Variants in WIPI2 observed in about 807,000 individuals in gnomAD.
The protein encoded by WIPI2 is WD repeat domain, phosphoinositide interacting 2, also known as WD repeat domain phosphoinositide-interacting protein 2.
Under a neutral mutation model 52.3 loss-of-function variants are expected in WIPI2, and 28 were observed. That is an observed-to-expected ratio of 0.54 (90% confidence interval 0.40 to 0.73). The LOEUF is 0.73. Ranked by LOEUF, WIPI2 falls within the 30% of genes least tolerant of loss-of-function variation. The pLI is 0.00. For synonymous variants in WIPI2, 268 were observed against 245.0 expected (o/e 1.09, Z -0.88); for missense variants, 506 against 602.9 (o/e 0.84, Z 1.68).
intron 2 of WIPI2, among the ~76,000 whole-genome samples, chr7:5,198,378 A>G (rs949663208): frequency 6.6e-6 from 1 of 151,650 alleles, no homozygotes; most frequent in Admixed American, 6.6e-5. Flanking sequence ...CAGTGGCGCA[A>G]TCTCCGCTCA....
Position 5,229,595 on chromosome 7 carries a change from T to G in WIPI2, c.1122-13T>G. ...TGTGGAGACGCTGAGCTGTGTCGCT[T>G]TCTTCCCTCCAGGCTGGACGGCAGT... On this transcript the variant is annotated splice_polypyrimidine_tract_variant and intron_variant, in intron 11 of 12. Transcript: ENST00000288828. 6.2e-7 allele frequency: 1 copy of G among 1,611,468 alleles called. No homozygotes were observed. Among genetic ancestry groups the G allele is most frequent in the South Asian group, 1.1e-5 (1 of 90,562 alleles).
At chr7:5,226,705 G>A (rs1042854401) in intron 9 of WIPI2, 2 of 154,026 alleles carry the variant, frequency 1.3e-5, no homozygotes, top group Non-Finnish European at 2.9e-5. Flanking sequence ...AATAAATTTT[G>A]TTGGGTATAT....
chr7:5,228,239 G>A, intron 11 of WIPI2, 28 bp downstream of exon 11: 1 of 1,580,166 alleles, frequency 6.3e-7, no homozygotes, highest in Non-Finnish European at 8.6e-7. Context: ...GCTTCACGGA[G>A]CTGCTCCGTG....
At chr7:5,226,980 C>T (rs1237870070) in intron 9 of WIPI2, 200 bp from the exon 10 acceptor site, 1 of 653,136 alleles carries the variant, frequency 1.5e-6, no homozygotes, top group African/African-American at 1.8e-5. Context: ...CTGAGCACCC[C>T]TCCCCCGACA....
intron 11 of WIPI2, among the ~76,000 whole-genome samples, chr7:5,228,912 C>T (rs546711445): frequency 6.6e-6 from 1 of 151,890 alleles, no homozygotes; most frequent in South Asian, 2.1e-4. Context: ...TGTGCAGGGT[C>T]TTGCTAGGTT....
At chr7:5,212,260 A>G (rs1041028249) in intron 3 of WIPI2, among the ~76,000 whole-genome samples, 1 of 151,418 alleles carries the variant, frequency 6.6e-6, no homozygotes, top group African/African-American at 2.4e-5. Flanking sequence ...CCAGCAGGGA[A>G]CTCTGTCTCT....
In WIPI2 at chr7:5,232,053, A is replaced by T. The variant is rs1583602827; in HGVS notation, c.*1106A>T. ...TCCCTTCCCTTTTCATATTTACAGA[A>T]TTAAAACAACCTCAAGTACCTCAGA... On this transcript the variant is annotated 3_prime_UTR_variant, in exon 13 of 13. Transcript: ENST00000288828. 5.0e-6 allele frequency: 2 copies of T among 398,166 alleles called. No homozygotes were observed. The highest frequency in any genetic ancestry group is 1.4e-4 in the South Asian group (1 of 7,098). 24.7% of individuals were successfully genotyped at this position (398,166 alleles called of 1,614,324 possible). A position where few individuals can be genotyped will look rare whatever the true frequency, so the allele number is the denominator to read the frequency against.
chr7:5,218,672 CT>C (rs1782942251), intron 7 of WIPI2: 1 of 152,266 alleles, frequency 6.6e-6, no homozygotes, highest in African/African-American at 2.4e-5. Context: ...AGAAGAATGT[CT>C]GGCTTTAAAG....
chr7:5,227,418 G>T lies in WIPI2; in HGVS notation c.1013+74G>T. 6.4e-7 allele frequency: 1 copy of T among 1,558,888 alleles called. No individual in the cohort carries two copies. The highest frequency in any genetic ancestry group is 8.6e-7 in the Non-Finnish European group (1 of 1,156,996). ...AGGGGCCCAGTCCTGGCGGCTTGTG[G>T]CCCCTTCCGTGCTTCTGAACAGGAG... On this transcript the variant is annotated intron_variant, in intron 10 of 12. Transcript: ENST00000288828. This position sits in a 1 kb window ranked among gnomAD's most constrained non-coding sequence, Gnocchi z 8.1.
chr7:5,229,224 C>T (rs2115324671), intron 11 of WIPI2, among the ~76,000 whole-genome samples: 1 of 152,098 alleles, frequency 6.6e-6, no homozygotes, highest in East Asian at 1.9e-4. Context: ...ACTGTGTTAG[C>T]CAGGATGGTC....
Position 5,222,569 on chromosome 7 carries a change from C to T in WIPI2, c.670-33C>T, listed in dbSNP as rs767448000. On this transcript the variant is annotated intron_variant, in intron 7 of 12. Coordinates refer to ENST00000288828, the MANE Select transcript of WIPI2 (RefSeq NM_015610.4). Reference sequence around the variant, plus strand: ...ATGGGAAATTCCTGTTTTAACTCAGCTCAAATTCTTCTTTTCTCTTTTCCT... The same window carrying T: ...ATGGGAAATTCCTGTTTTAACTCAGTTCAAATTCTTCTTTTCTCTTTTCCT... 1.0e-5 allele frequency: 16 copies of T among 1,602,184 alleles called. No individual in the cohort carries two copies. The African/African-American group carries it at 1.1e-4, about 11-fold the overall frequency.
At position 5,232,412 on chromosome 7, in the gene WIPI2, C is replaced by G. The variant is rs182333143; in HGVS notation, c.*1465C>G. On this transcript the variant is annotated 3_prime_UTR_variant, in exon 13 of 13. Transcript: ENST00000288828. The stretch of plus-strand genomic sequence containing the variant: ...CAGGGGACGCTGGAGTCCGACTCAC[C>G]TACACCGGCTTCCTCCCAGCCGCTG... The G allele has an allele frequency of 3.7e-3, 1,492 of 398,066 alleles. 6 individuals carry two copies. Among genetic ancestry groups the G allele is most frequent in the Non-Finnish European group, 5.6e-3 (1,256 of 226,064 alleles). 24.7% of individuals were successfully genotyped at this position (398,066 alleles called of 1,614,324 possible).
chr7:5,219,817 A>G (rs951286977), intron 7 of WIPI2, among the ~76,000 whole-genome samples: 1 of 151,940 alleles, frequency 6.6e-6, no homozygotes, highest in Non-Finnish European at 1.5e-5. Flanking sequence ...AGAGAGAACC[A>G]AGTGTTCTCA....
chr7:5,217,313 G>A (rs766970387), intron 6 of WIPI2, 126 bp downstream of exon 6: 2 of 1,013,826 alleles, frequency 2.0e-6, no homozygotes, highest in South Asian at 1.4e-5. Context: ...TTGTTTGTTT[G>A]TTTGTTTTTG....
At position 5,218,019 on chromosome 7, in the gene WIPI2, G is replaced by A. The variant is rs967072819; in HGVS notation, c.669+5G>A. The A allele has an allele frequency of 6.2e-7, 1 of 1,614,170 alleles. No individual in the cohort carries two copies. Among genetic ancestry groups the A allele is most frequent in the South Asian group, 1.1e-5 (1 of 91,088 alleles). ...CTTGCCACGGCTTCGGAGAAGGTGA[G>A]TCTGCTTTTCCCCGGGGGAGCACTG... is the stretch of plus-strand genomic sequence containing the variant. On this transcript the variant is annotated splice_donor_5th_base_variant and intron_variant, in intron 7 of 12. Transcript: ENST00000288828.
chr7:5,229,489 C>A, intron 11 of WIPI2, 119 bp from the exon 12 acceptor site: 3 of 1,257,270 alleles, frequency 2.4e-6, no homozygotes, highest in Admixed American at 2.8e-5. Context: ...GTGATGAATG[C>A]CTGGCGTCCT....
chr7:5,196,822 G>A (rs934006134), intron 2 of WIPI2, among the ~76,000 whole-genome samples: 3 of 151,752 alleles, frequency 2.0e-5, no homozygotes, highest in Non-Finnish European at 2.9e-5. Flanking sequence ...TATAAACTCA[G>A]TGCTACAGGC....
chr7:5,198,196 C>T (rs1005892769), intron 2 of WIPI2, among the ~76,000 whole-genome samples: 7 of 152,220 alleles, frequency 4.6e-5, no homozygotes, highest in African/African-American at 1.7e-4. Flanking sequence ...CACTGCTCAG[C>T]CATGGCACAG....
intron 3 of WIPI2, among the ~76,000 whole-genome samples, chr7:5,212,556 C>T (rs1217408241): frequency 1.3e-5 from 2 of 152,192 alleles, no homozygotes; most frequent in Admixed American, 6.5e-5. Flanking sequence ...GTATTACAGA[C>T]AGGGTCTCGC....
Sources: gnomAD v4.1 joint callset for allele counts (sites outside exome capture counted in the v4.1 genomes callset) on GRCh38, gnomAD v4.1.1 for gene constraint, Gnocchi (gnomAD v3.1) non-coding constraint, MANE v1.5 for transcripts, NCBI Gene and HGNC (gene_info 2026-07-23, HGNC 2026-07-21) for gene names.